Variants in MPHOSPH9 observed in about 807,000 individuals in gnomAD.
The protein encoded by MPHOSPH9 is M-phase phosphoprotein 9.
A neutral mutation model predicts 145.5 loss-of-function variants in MPHOSPH9; 88 were observed. That is an observed-to-expected ratio of 0.60 (90% CI 0.51 to 0.72). The LOEUF (loss-of-function observed/expected upper bound fraction) is 0.72. Ranked by LOEUF, MPHOSPH9 falls within the 30% of genes least tolerant of loss-of-function variation. The pLI is 0.00. For synonymous variants in MPHOSPH9, 435 were observed against 486.2 expected (o/e 0.89, Z 1.39); for missense variants, 1,238 against 1,386.6 (o/e 0.89, Z 1.70).
chr12:123,182,139 C>T (rs984220046), intron 13 of MPHOSPH9, among the ~76,000 whole-genome samples: 8 of 151,250 alleles, frequency 5.3e-5, no homozygotes, highest in African/African-American at 1.7e-4. Flanking sequence ...CGGGGTTTCA[C>T]CATGTTGGCC....
intron 12 of MPHOSPH9, among the ~76,000 whole-genome samples, chr12:123,197,228 G>C (rs1236516775): frequency 6.6e-6 from 1 of 151,594 alleles, no homozygotes; most frequent in Non-Finnish European, 1.5e-5. Context: ...TCTTGCCCAG[G>C]CTACAGTGCT....
chr12:123,165,535 C>G, intron 17 of MPHOSPH9, 58 bp from the exon 18 acceptor site: 1 of 1,435,946 alleles, frequency 7.0e-7, no homozygotes, highest in South Asian at 1.2e-5. Flanking sequence ...TATCTTGCCC[C>G]CCGCCCCCAC....
chr12:123,203,505 A>G, intron 8 of MPHOSPH9, 130 bp from the exon 9 acceptor site: 1 of 831,140 alleles, frequency 1.2e-6, no homozygotes, highest in East Asian at 2.7e-5. Context: ...TCAGATTTGT[A>G]ATACAAGCTT....
intron 4 of MPHOSPH9, among the ~76,000 whole-genome samples, chr12:123,222,770 T>C (rs1250172398): frequency 1.3e-5 from 2 of 152,278 alleles, no homozygotes; most frequent in East Asian, 3.9e-4. Flanking sequence ...AACCCGTCTC[T>C]ACTAAAAATA....
intron 11 of MPHOSPH9, among the ~76,000 whole-genome samples, chr12:123,200,547 T>C (rs1460243734): frequency 6.6e-6 from 1 of 152,198 alleles, no homozygotes; most frequent in African/African-American, 2.4e-5. Flanking sequence ...GGCTATAATT[T>C]ATTCTAGGTA....
At chr12:123,216,876 C>T (rs111673787) in intron 6 of MPHOSPH9, among the ~76,000 whole-genome samples, 304 of 152,030 alleles carry the variant, frequency 2.0e-3, no homozygotes, top group African/African-American at 6.9e-3. Context: ...ATAGTCCCAG[C>T]TAATCGAGAG....
intron 6 of MPHOSPH9, among the ~76,000 whole-genome samples, 156 bp downstream of exon 6, chr12:123,218,220 G>T (rs12372699): frequency 0.02 from 3,059 of 151,800 alleles, 40 homozygotes; most frequent in Non-Finnish European, 0.031. Context: ...CCATAAGAGC[G>T]AAACTCCGTC....
At chr12:123,165,856 A>G (rs1032862327) in intron 17 of MPHOSPH9, among the ~76,000 whole-genome samples, 2 of 152,210 alleles carry the variant, frequency 1.3e-5, no homozygotes, top group African/African-American at 2.4e-5. Flanking sequence ...GTAATTTGTT[A>G]TAACAGTCCA....
chr12:123,205,691 G>A (rs1593185988), intron 8 of MPHOSPH9, among the ~76,000 whole-genome samples: 1 of 152,146 alleles, frequency 6.6e-6, no homozygotes, highest in African/African-American at 2.4e-5. Context: ...TGGTCTGGGG[G>A]AATAGTTGGG....
rs949692735 is a variant in MPHOSPH9, at chr12:123,188,854, A to C, written c.2241+5532T>G. 2.6e-5 allele frequency among the ~76,000 whole-genome samples: 4 copies of C among 152,308 alleles called. No individual in the cohort carries two copies. In the South Asian group the frequency reaches 8.3e-4, roughly 32 times the overall value. ...CAAAAGCAAAACTCCTTCTCAAAAA[A>C]ATAAAATAAAGAGTAAACATAAAAA... is the stretch of plus-strand genomic sequence containing the variant. On this transcript the variant is annotated intron_variant, in intron 13 of 23. Transcript: ENST00000606320.
intron 6 of MPHOSPH9, among the ~76,000 whole-genome samples, chr12:123,216,851 T>A (rs2046983207): frequency 6.6e-6 from 1 of 151,784 alleles, no homozygotes; most frequent in African/African-American, 2.4e-5. Context: ...AAGCCAGGCG[T>A]GGTGGCACGC....
In MPHOSPH9 at chr12:123,194,483, G is replaced by C; in HGVS notation, c.2144C>G (p.Ser715Cys). Reference sequence around the variant, plus strand: ...TGCTTCTTCTAAATCTTGCAGTCTAGATTTTAGTCGAATGATGGTATTGTC... The same window carrying C: ...TGCTTCTTCTAAATCTTGCAGTCTACATTTTAGTCGAATGATGGTATTGTC... The part of the protein sequence containing the change: ...EKDNTIIRLK[S>C]RLQDLEEAFE... The change falls in exon 13 of 24, where the codon TCT (serine) becomes TGT (cysteine). Residue 715 changes from serine to cysteine, a missense_variant. By Grantham distance (112) the Ser-to-Cys change is moderately radical. This residue lies in a region of MPHOSPH9 where 837 missense variants were observed against 897.5 expected (regional missense o/e 0.93). Coordinates refer to ENST00000606320, the MANE Select transcript of MPHOSPH9 (RefSeq NM_022782.4). The C allele has an allele frequency of 6.2e-7, 1 of 1,611,812 alleles. No individual in the cohort carries two copies. The highest frequency in any genetic ancestry group is 8.5e-7 in the Non-Finnish European group (1 of 1,179,138).
In MPHOSPH9 at chr12:123,202,951, G is replaced by C. The variant is rs758323407; in HGVS notation, c.1454C>G (p.Ser485Cys). The change falls in exon 10 of 24, where the codon TCT becomes TGT. Residue 485 changes from serine to cysteine, a missense_variant. This residue lies in a region of MPHOSPH9 where 837 missense variants were observed against 897.5 expected (regional missense o/e 0.93). Coordinates refer to ENST00000606320, the MANE Select transcript of MPHOSPH9 (RefSeq NM_022782.4). ...SPDSVLEPSM[S>C]SPSDIDSFSQ... ...AAATGAGTCTATGTCAGAGGGACTA[G>C]ACATACTAGGCTCTAGAACAGAGTC... 1.9e-5 allele frequency: 31 copies of C among 1,614,024 alleles called. No individual in the cohort carries two copies. The highest frequency in any genetic ancestry group is 1.6e-4 in the South Asian group (15 of 91,080).
At chr12:123,168,452 C>A (rs2044418461) in intron 16 of MPHOSPH9, among the ~76,000 whole-genome samples, 2 of 151,772 alleles carry the variant, frequency 1.3e-5, no homozygotes, top group African/African-American at 4.8e-5. Context: ...AGCGATTCTC[C>A]TGCCTCAGCC....
intron 13 of MPHOSPH9, among the ~76,000 whole-genome samples, chr12:123,188,502 G>A (rs1417538931): frequency 6.6e-6 from 1 of 152,144 alleles, no homozygotes; most frequent in African/African-American, 2.4e-5. Context: ...TTAAGAGATG[G>A]TATCCATTTT....
At position 123,163,241 on chromosome 12, in the gene MPHOSPH9, A is replaced by T. The variant is rs1220538979; in HGVS notation, c.2909-107T>A. The stretch of plus-strand genomic sequence containing the variant: ...TAATTTTGAAAGGAATATAATTTCA[A>T]CGTAAAACTTTGAGAGAGAAATAAG... On this transcript the variant is annotated intron_variant, in intron 19 of 23. Coordinates refer to ENST00000606320, the MANE Select transcript of MPHOSPH9 (RefSeq NM_022782.4). 4.1e-6 allele frequency: 5 copies of T among 1,221,512 alleles called. No individual in the cohort carries two copies. The African/African-American group carries it at 4.7e-5, about 12-fold the overall frequency. The allele number at this position is 1,221,512 out of a possible 1,614,324, so 75.7% of individuals were successfully genotyped here. A position where few individuals can be genotyped will look rare whatever the true frequency, so the allele number is the denominator to read the frequency against.
chr12:123,225,854 G>A (rs2047418424), intron 3 of MPHOSPH9, among the ~76,000 whole-genome samples: 1 of 152,044 alleles, frequency 6.6e-6, no homozygotes, highest in Non-Finnish European at 1.5e-5. Flanking sequence ...TGGCCAACAT[G>A]GCTAAACCCC....
chr12:123,223,549 G>A (rs888274718), intron 3 of MPHOSPH9, among the ~76,000 whole-genome samples: 9 of 152,048 alleles, frequency 5.9e-5, no homozygotes, highest in African/African-American at 2.2e-4. Flanking sequence ...TCCTCTGTTC[G>A]TGAGCATGCC....
intron 16 of MPHOSPH9, among the ~76,000 whole-genome samples, chr12:123,174,760 C>T (rs1037102732): frequency 6.6e-6 from 1 of 152,120 alleles, no homozygotes; most frequent in Admixed American, 6.6e-5. Context: ...CACTTAGAAT[C>T]GATATGAATC....
Sources: allele counts gnomAD v4.1 joint callset (sites outside exome capture counted in the v4.1 genomes callset), GRCh38; gene constraint gnomAD v4.1.1; regional missense constraint gnomAD v4.1.1; transcripts MANE v1.5; gene names NCBI Gene and HGNC (gene_info 2026-07-23, HGNC 2026-07-21).